NEK1: variants seen among roughly 807,000 people sequenced by gnomAD.
NEK1 encodes the protein serine/threonine-protein kinase Nek1.
NEK1 carries 137 observed loss-of-function variants against 182.1 expected under a neutral mutation model. The ratio of observed to expected loss-of-function variants is 0.75; its 90% CI spans 0.65 to 0.87. The LOEUF is 0.87. NEK1 is among the 40% of genes least tolerant of loss of function. The probability of loss-of-function intolerance (pLI) is 0.00; values close to 1 mark genes in which losing one functional copy is unlikely to be tolerated. For missense variants in NEK1, 1,391 were observed against 1,494.4 expected (o/e 0.93, Z 1.14); for synonymous variants, 513 against 492.2 (o/e 1.04, Z -0.56).
intron 27 of NEK1, among the ~76,000 whole-genome samples, chr4:169,444,569 A>C (rs1379427661): frequency 1.3e-5 from 2 of 152,192 alleles, no homozygotes; most frequent in Admixed American, 6.5e-5. Flanking sequence ...AGATCTAACA[A>C]TTATAAATAG....
chr4:169,532,401 C>G (rs1249532439), intron 19 of NEK1, among the ~76,000 whole-genome samples: 1 of 152,060 alleles, frequency 6.6e-6, no homozygotes, highest in African/African-American at 2.4e-5. Flanking sequence ...GTGATAAATA[C>G]CATTATATAT....
chr4:169,419,297 T>C (rs985263407), intron 31 of NEK1, among the ~76,000 whole-genome samples: 1 of 149,634 alleles, frequency 6.7e-6, no homozygotes. Flanking sequence ...CCACTCAAAA[T>C]GAAGGTGAAA....
intron 12 of NEK1, 136 bp from the exon 13 acceptor site, chr4:169,562,332 TAAAA>T: frequency 2.1e-6 from 1 of 472,458 alleles, no homozygotes; most frequent in South Asian, 3.8e-5. Context: ...TACATTATCT[TAAAA>T]AAAAAAATCG....
intron 19 of NEK1, among the ~76,000 whole-genome samples, chr4:169,510,869 C>A (rs1321764160): frequency 2.0e-5 from 3 of 152,076 alleles, no homozygotes; most frequent in Non-Finnish European, 4.4e-5. Context: ...AAACTCAAAC[C>A]AAGTATCTCA....
chr4:169,606,764 T>C (rs184315507), intron 2 of NEK1, among the ~76,000 whole-genome samples: 1 of 152,352 alleles, frequency 6.6e-6, no homozygotes, highest in African/African-American at 2.4e-5. Flanking sequence ...CTTTCAACCA[T>C]GATGGTGTTC....
intron 2 of NEK1, among the ~76,000 whole-genome samples, chr4:169,602,913 A>C (rs1339633534): frequency 6.6e-6 from 1 of 152,162 alleles, no homozygotes; most frequent in African/African-American, 2.4e-5. Flanking sequence ...TTGGAAAGCC[A>C]AATACTGCAT....
chr4:169,500,206 C>A (rs904116387), intron 23 of NEK1, among the ~76,000 whole-genome samples: 2 of 152,184 alleles, frequency 1.3e-5, no homozygotes, highest in South Asian at 4.1e-4. Flanking sequence ...AGCCAGGCGC[C>A]AGATATAATC....
At chr4:169,459,972 A>G (rs1329189416) in intron 27 of NEK1, among the ~76,000 whole-genome samples, 7 of 152,196 alleles carry the variant, frequency 4.6e-5, no homozygotes, top group African/African-American at 1.4e-4. Context: ...ACATTTGTCA[A>G]AACCCAGGGC....
Position 169,423,472 on chromosome 4 carries a change from T to TA in NEK1, c.3222+1080dup, listed in dbSNP as rs879298342. ...CAGTTGATTCTTTTACAGGCTAAAATAAAAAAAAATGCCCAATCTCATTTG... is the reference window on the plus strand; with the variant it reads ...CAGTTGATTCTTTTACAGGCTAAAATAAAAAAAAAATGCCCAATCTCATTTG... On this transcript the variant is annotated intron_variant, in intron 31 of 35. Coordinates refer to ENST00000507142, the MANE Select transcript of NEK1 (RefSeq NM_001199397.3). Among the ~76,000 whole-genome samples the TA allele has an allele frequency of 4.6e-4, 70 of 151,040 alleles. 1 individual carries two copies. The highest frequency in any genetic ancestry group is 7.4e-4 in the Non-Finnish European group (50 of 67,682).
chr4:169,575,345 T>G (rs1765522708), intron 12 of NEK1, among the ~76,000 whole-genome samples: 1 of 152,216 alleles, frequency 6.6e-6, no homozygotes, highest in Non-Finnish European at 1.5e-5. Context: ...AATATTAAGC[T>G]TTGTCAGTAA....
At chr4:169,592,346 A>AT in intron 5 of NEK1, among the ~76,000 whole-genome samples, 1 of 152,184 alleles carries the variant, frequency 6.6e-6, no homozygotes, top group East Asian at 1.9e-4. Flanking sequence ...GCCTGATTAA[A>AT]TATATTGTAT....
intron 19 of NEK1, among the ~76,000 whole-genome samples, chr4:169,513,433 A>C (rs757829581): frequency 3.3e-5 from 5 of 152,186 alleles, no homozygotes; most frequent in Non-Finnish European, 5.9e-5. Context: ...TGTATCCTGC[A>C]ACTATAATGA....
intron 32 of NEK1, among the ~76,000 whole-genome samples, chr4:169,403,642 G>A (rs1399688473): frequency 1.3e-5 from 2 of 152,082 alleles, no homozygotes; most frequent in Non-Finnish European, 2.9e-5. Context: ...ACTACAATGA[G>A]TAAATATTGA....
chr4:169,498,255 TG>T (rs1201372912), intron 23 of NEK1, among the ~76,000 whole-genome samples: 2 of 152,216 alleles, frequency 1.3e-5, no homozygotes, highest in Non-Finnish European at 1.5e-5. Flanking sequence ...TCCATTTGCT[TG>T]GTAGCTCTTC....
chr4:169,497,142 T>A (rs1236617672), intron 23 of NEK1, among the ~76,000 whole-genome samples: 1 of 152,156 alleles, frequency 6.6e-6, no homozygotes, highest in South Asian at 2.1e-4. Context: ...GGAGGGTGTA[T>A]GTGTCGAGGA....
At chr4:169,437,346 T>C (rs1449917284) in intron 28 of NEK1, among the ~76,000 whole-genome samples, 2 of 152,156 alleles carry the variant, frequency 1.3e-5, no homozygotes, top group Non-Finnish European at 2.9e-5. Context: ...AATGTCATAA[T>C]GAGATGAGGC....
chr4:169,457,812 G>C (rs977429829), intron 27 of NEK1, among the ~76,000 whole-genome samples: 1 of 149,772 alleles, frequency 6.7e-6, no homozygotes, highest in Non-Finnish European at 1.5e-5. Context: ...AAATTGAGAG[G>C]ATAAAAAAAG....
intron 22 of NEK1, among the ~76,000 whole-genome samples, chr4:169,507,390 A>C (rs918134254): frequency 1.1e-4 from 16 of 152,212 alleles, no homozygotes; most frequent in Admixed American, 8.5e-4. Flanking sequence ...AAATGTAAAA[A>C]TTTAAAACAA....
intron 26 of NEK1, among the ~76,000 whole-genome samples, chr4:169,467,657 T>A (rs922093092): frequency 6.6e-6 from 1 of 152,172 alleles, no homozygotes; most frequent in East Asian, 1.9e-4. Flanking sequence ...AATGGGTTTA[T>A]TAGACTGTAA....
Sources: allele counts gnomAD v4.1 joint callset (sites outside exome capture counted in the v4.1 genomes callset), GRCh38; gene constraint gnomAD v4.1.1; transcripts MANE v1.5; gene names NCBI Gene and HGNC (gene_info 2026-07-23, HGNC 2026-07-21).